The following RYR3 variants were observed in gnomAD, a reference collection of about 807,000 sequenced individuals.
RYR3 encodes ryanodine receptor 3.
A neutral mutation model predicts 584.3 loss-of-function variants in RYR3; 207 were observed. The observed-to-expected ratio is 0.35, with a 90% CI of 0.32 to 0.40. RYR3 has a LOEUF of 0.40. Ranked by LOEUF, RYR3 falls within the 10% of genes least tolerant of loss-of-function variation. The pLI, the probability that RYR3 is intolerant of heterozygous loss-of-function variation, is 1.00. For missense variants in RYR3, 5,616 were observed against 6,089.2 expected, an observed-to-expected ratio of 0.92 and a Z score of 2.59; for synonymous variants, 2,416 against 2,248.5, an observed-to-expected ratio of 1.07 and a Z score of -2.11.
chr15:33,581,538 G>A lies in RYR3; in HGVS notation c.1468G>A (p.Asp490Asn), dbSNP rs200350034. 1 of 1,613,578 alleles carries A rather than the reference G, an allele frequency of 6.2e-7. No individual in the cohort carries two copies. The highest frequency in any genetic ancestry group is 1.7e-5 in the Admixed American group (1 of 60,008). The change falls in exon 14 of 104, where the codon GAC becomes AAC. Residue 490 changes from aspartate to asparagine, a missense_variant. Physicochemically the swap from Asp to Asn is conservative, Grantham distance 23 (BLOSUM62 1). Coordinates refer to ENST00000634891, the MANE Select transcript of RYR3 (RefSeq NM_001036.6). ...GTTGGCCCTTGTCTTAAATTGCATT[G>A]ACCGCTTAAATGTCTACAATAGCGT... is the stretch of plus-strand genomic sequence containing the variant. ...GMLALVLNCI[D>N]RLNVYNSVAH... is the part of the protein sequence containing the mutation.
At chr15:33,484,598 A>G (rs1226344761) in intron 2 of RYR3, among the ~76,000 whole-genome samples, 3 of 150,998 alleles carry the variant, frequency 2.0e-5, no homozygotes, top group Non-Finnish European at 4.4e-5. Flanking sequence ...TAGGAGATGA[A>G]TAGGCTTGGA....
chr15:33,581,564 A>G lies in RYR3; in HGVS notation c.1494A>G (p.Val498=). Reference sequence around the variant, plus strand: ...ACCGCTTAAATGTCTACAATAGCGTAGCACACTTTGCAGGGATTGCAAGGG... The same window carrying G: ...ACCGCTTAAATGTCTACAATAGCGTGGCACACTTTGCAGGGATTGCAAGGG... ...CIDRLNVYNS[V]AHFAGIAREE... Residue 498 remains valine, a synonymous_variant, in exon 14 of 104, where the codon GTA becomes GTG. Transcript: ENST00000634891. The G allele has an allele frequency of 6.2e-7, 1 of 1,613,468 alleles. No individual in the cohort carries two copies. The highest frequency in any genetic ancestry group is 1.1e-5 in the South Asian group (1 of 91,076).
chr15:33,857,699 C>T (rs1204040624), intron 98 of RYR3, 81 bp from the exon 99 acceptor site: 5 of 1,554,330 alleles, frequency 3.2e-6, no homozygotes, highest in East Asian at 4.5e-5. Flanking sequence ...TCTTCCTCCT[C>T]GTTTTCTTAG....
rs2052669628 is a variant in RYR3 at position 33,508,475 on chromosome 15, C to T, written c.279+4737C>T. ...CCATCCTGGCTAACACAGTGAAACC[C>T]CATCTCTACTAAAAATACAAAAAAA... On this transcript the variant is annotated intron_variant, in intron 3 of 103. Coordinates refer to ENST00000634891, the MANE Select transcript of RYR3 (RefSeq NM_001036.6). Among the ~76,000 whole-genome samples the T allele has an allele frequency of 2.0e-5, 3 of 151,912 alleles. No homozygotes were observed. The South Asian group carries it at 6.3e-4, about 32-fold the overall frequency.
intron 1 of RYR3, among the ~76,000 whole-genome samples, chr15:33,436,812 A>G (rs1331364055): frequency 3.3e-5 from 5 of 152,020 alleles, no homozygotes; most frequent in Admixed American, 6.5e-5. Flanking sequence ...CCAAAACCAT[A>G]TTGTTAATCT....
At chr15:33,522,027 G>A (rs959885328) in intron 3 of RYR3, among the ~76,000 whole-genome samples, 2 of 150,560 alleles carry the variant, frequency 1.3e-5, no homozygotes, top group Admixed American at 1.3e-4. Flanking sequence ...GCCGAGGCAG[G>A]CAGATCACCT....
intron 1 of RYR3, among the ~76,000 whole-genome samples, chr15:33,336,452 G>C (rs188577165): frequency 8.4e-5 from 1 of 11,928 alleles, no homozygotes; most frequent in Non-Finnish European, 1.4e-4. Flanking sequence ...GAGAGAGAGA[G>C]AGAGAGAGAG....
chr15:33,691,605 T>C (rs1420833371), intron 38 of RYR3, among the ~76,000 whole-genome samples: 1 of 152,184 alleles, frequency 6.6e-6, no homozygotes, highest in Non-Finnish European at 1.5e-5. Flanking sequence ...AAGCAGCTAG[T>C]TCAGCTCACA....
At chr15:33,551,711 A>G (rs1388449827) in intron 10 of RYR3, among the ~76,000 whole-genome samples, 6 of 151,894 alleles carry the variant, frequency 4.0e-5, no homozygotes, top group Admixed American at 1.3e-4. Context: ...CTCTGATTTC[A>G]TTCTGGTTTT....
chr15:33,834,978 T>A lies in RYR3; in HGVS notation c.11474T>A (p.Ile3825Asn), dbSNP rs558254515. The A allele has an allele frequency of 1.1e-5, 17 of 1,613,930 alleles. No homozygotes were observed. The Admixed American group carries it at 2.3e-4, about 22-fold the overall frequency. ...SLTEYIQGPC[I>N]GNQQSLAHSR... Reference sequence around the variant, plus strand: ...TCCTCTTCTCTGCAGGGCCCTTGCATTGGTAATCAACAGAGCCTGGCTCAC... The same window carrying A: ...TCCTCTTCTCTGCAGGGCCCTTGCAATGGTAATCAACAGAGCCTGGCTCAC... The change falls in exon 87 of 104, where the codon ATT becomes AAT. Residue 3825 changes from isoleucine to asparagine, a missense_variant. Physicochemically the swap from Ile to Asn is moderately radical, Grantham distance 149. Transcript: ENST00000634891.
At chr15:33,677,606 G>T (rs2064271725) in intron 38 of RYR3, among the ~76,000 whole-genome samples, 1 of 152,194 alleles carries the variant, frequency 6.6e-6, no homozygotes, top group Admixed American at 6.5e-5. Flanking sequence ...AGGACTGGCA[G>T]AATCAGGCTG....
chr15:33,594,679 A>T (rs2059288033), intron 16 of RYR3, among the ~76,000 whole-genome samples: 1 of 152,198 alleles, frequency 6.6e-6, no homozygotes. Context: ...ATTTAAGTGC[A>T]CCTGTTAGAG....
At chr15:33,825,706 C>T in intron 82 of RYR3, 30 bp downstream of exon 82, 2 of 850,422 alleles carry the variant, frequency 2.4e-6, no homozygotes, top group Non-Finnish European at 3.8e-6. Context: ...GAAGGCCATT[C>T]TCTTCCTGAT....
At chr15:33,396,824 C>G (rs900459668) in intron 1 of RYR3, among the ~76,000 whole-genome samples, 5 of 152,156 alleles carry the variant, frequency 3.3e-5, no homozygotes, top group Admixed American at 6.5e-5. Context: ...CATAGATATC[C>G]TGGGCTACAG....
At chr15:33,793,602 A>G (rs1246965353) in intron 67 of RYR3, among the ~76,000 whole-genome samples, 3 of 152,180 alleles carry the variant, frequency 2.0e-5, no homozygotes, top group Non-Finnish European at 2.9e-5. Flanking sequence ...GCCTGGAAAC[A>G]GGGGCAAAGA....
chr15:33,338,866 C>T (rs150070890), intron 1 of RYR3, among the ~76,000 whole-genome samples: 18 of 152,232 alleles, frequency 1.2e-4, no homozygotes, highest in Middle Eastern at 3.4e-3. Context: ...AAAATACAAA[C>T]TTCGTTTCCT....
intron 10 of RYR3, 45 bp from the exon 11 acceptor site, chr15:33,562,792 T>G (rs2057480742): frequency 6.9e-7 from 1 of 1,445,966 alleles, no homozygotes; most frequent in African/African-American, 1.4e-5. Context: ...AGCTTCTAAT[T>G]TAATCAGCTA....
intron 72 of RYR3, among the ~76,000 whole-genome samples, chr15:33,811,913 C>A (rs866665483): frequency 6.6e-6 from 1 of 152,060 alleles, no homozygotes; most frequent in South Asian, 2.1e-4. Context: ...ATACATTATG[C>A]CCTGAGATGG....
intron 25 of RYR3, among the ~76,000 whole-genome samples, 181 bp downstream of exon 25, chr15:33,634,914 C>T (rs1423091073): frequency 6.6e-6 from 1 of 152,086 alleles, no homozygotes; most frequent in Non-Finnish European, 1.5e-5. Context: ...TGATATAAAC[C>T]ATCATCCCAT....
Sources: allele counts gnomAD v4.1 joint callset (sites outside exome capture counted in the v4.1 genomes callset), GRCh38; gene constraint gnomAD v4.1.1; transcripts MANE v1.5; gene names NCBI Gene and HGNC (gene_info 2026-07-23, HGNC 2026-07-21).